Variants in KCNQ2 observed in about 807,000 individuals in gnomAD.
KCNQ2 encodes the protein potassium voltage-gated channel subfamily Q member 2, also known as potassium voltage-gated channel subfamily KQT member 2.
KCNQ2 carries 14 observed loss-of-function variants against 84.8 expected under a neutral mutation model. The observed-to-expected ratio is 0.17, with a 90% CI of 0.11 to 0.26. The LOEUF is 0.26. Among genes scored for constraint, KCNQ2 ranks in the 10% least tolerant of loss-of-function variants. KCNQ2 has a pLI of 1.00. For synonymous variants in KCNQ2, 599 were observed against 554.1 expected (o/e 1.08, Z -1.14); for missense variants, 788 against 1,254.0 (o/e 0.63, Z 5.61).
chr20:63,464,730 T>C (rs1031171244), intron 1 of KCNQ2, among the ~76,000 whole-genome samples: 1 of 152,200 alleles, frequency 6.6e-6, no homozygotes, highest in South Asian at 2.1e-4. Flanking sequence ...ACTCAGTGTG[T>C]GGGGGCAGGG....
At chr20:63,421,590 C>T (rs934681275) in intron 11 of KCNQ2, among the ~76,000 whole-genome samples, 2 of 152,288 alleles carry the variant, frequency 1.3e-5, no homozygotes, top group East Asian at 1.9e-4. Flanking sequence ...ACAGTGAGCT[C>T]GAGACCCACA....
chr20:63,442,576 GCATCAC>G, intron 4 of KCNQ2, 45 bp from the exon 5 acceptor site: 1 of 1,588,594 alleles, frequency 6.3e-7, no homozygotes, highest in Non-Finnish European at 8.6e-7. Context: ...ATCACCAGAA[GCATCAC>G]CATCACCACC....
chr20:63,466,964 G>A lies in KCNQ2; in HGVS notation c.296+5204C>T, dbSNP rs1173148061. Among the ~76,000 whole-genome samples, 4 of 152,250 alleles carry A rather than the reference G, an allele frequency of 2.6e-5. No individual in the cohort carries two copies. The East Asian group carries it at 5.8e-4, about 22-fold the overall frequency. ...AAGACAGCCCCCCGTGAGGTAACAC[G>A]CTTGGGCTCTGTCTGTGATGACAAG... On this transcript the variant is annotated intron_variant, in intron 1 of 16. Coordinates refer to ENST00000359125, the MANE Select transcript of KCNQ2 (RefSeq NM_172107.4).
At position 63,405,890 on chromosome 20, in the gene KCNQ2, A is replaced by C. The variant is rs1357404883; in HGVS notation, c.*754T>G. 1 of 151,924 alleles carries C rather than the reference A, an allele frequency of 6.6e-6. No individual in the cohort carries two copies. Among genetic ancestry groups the C allele is most frequent in the Non-Finnish European group, 1.5e-5 (1 of 67,984 alleles). 9.4% of individuals were successfully genotyped at this position (151,924 alleles called of 1,614,324 possible). On this transcript the variant is annotated 3_prime_UTR_variant, in exon 17 of 17. Transcript: ENST00000359125. The stretch of plus-strand genomic sequence containing the variant: ...CGGCTCCCTGGCCCCACCGTGAGCC[A>C]GGCCCTCCCTCTGGAGGCCAAGACC...
chr20:63,442,842 CCATCACCAT>C (rs1568934766), intron 4 of KCNQ2, among the ~76,000 whole-genome samples: 99 of 26,592 alleles, frequency 3.7e-3, no homozygotes, highest in Middle Eastern at 0.031. Context: ...ACCACCACCA[CCATCACCAT>C]CACCACCACC....
At chr20:63,429,491 G>A (rs538171957) in intron 9 of KCNQ2, among the ~76,000 whole-genome samples, 3 of 152,052 alleles carry the variant, frequency 2.0e-5, no homozygotes, top group Admixed American at 6.5e-5. Flanking sequence ...CTATGGCCAC[G>A]GCCACCCCCT....
At chr20:63,452,087 G>A (rs2081631105) in intron 1 of KCNQ2, among the ~76,000 whole-genome samples, 1 of 152,270 alleles carries the variant, frequency 6.6e-6, no homozygotes, top group Admixed American at 6.5e-5. Flanking sequence ...CTGAGGCCTG[G>A]CACTGCTCAG....
chr20:63,472,593 G>T lies in KCNQ2; in HGVS notation c.-130C>A. On this transcript the variant is annotated 5_prime_UTR_variant, in exon 1 of 17. Coordinates refer to ENST00000359125, the MANE Select transcript of KCNQ2 (RefSeq NM_172107.4). ...GCCGAGGCGGCGGTTCCGCACTCCTGCCGGGCTTGGGCCGCGCGCGGAGAC... is the reference window on the plus strand; with the variant it reads ...GCCGAGGCGGCGGTTCCGCACTCCTTCCGGGCTTGGGCCGCGCGCGGAGAC... The T allele has an allele frequency of 1.3e-6, 1 of 761,680 alleles. No homozygotes were observed. The highest frequency in any genetic ancestry group is 1.7e-6 in the Non-Finnish European group (1 of 591,910). 47.2% of individuals were successfully genotyped at this position (761,680 alleles called of 1,614,324 possible).
Position 63,444,722 on chromosome 20 carries a change from G to T in KCNQ2, c.627C>A (p.Ile209=), listed in dbSNP as rs749602639. 7.5e-6 allele frequency: 12 copies of T among 1,602,334 alleles called. No individual in the cohort carries two copies. The East Asian group carries it at 1.3e-4, about 18-fold the overall frequency. ...AGGTGCCTCCCCGCCGGTCCATGCG[G>T]ATCATCCGCAGAATCTGCAGGAAGC... ...SLRFLQILRM[I]RMDRRGGTWK... The change falls in exon 4 of 17, where the codon ATC becomes ATA. Residue 209 remains isoleucine (I), a synonymous_variant. Coordinates refer to ENST00000359125, the MANE Select transcript of KCNQ2 (RefSeq NM_172107.4).
intron 1 of KCNQ2, among the ~76,000 whole-genome samples, chr20:63,464,185 C>T (rs565395629): frequency 8.5e-5 from 13 of 152,270 alleles, no homozygotes; most frequent in Non-Finnish European, 1.3e-4. Context: ...ACTCCCCCTG[C>T]GAGAGGCCGC....
At chr20:63,415,152 G>GACAGACAT (rs745798144) in intron 12 of KCNQ2, 26 bp from the exon 13 acceptor site, 1 of 1,576,252 alleles carries the variant, frequency 6.3e-7, no homozygotes, top group Non-Finnish European at 8.6e-7. Context: ...CCGACAGACA[G>GACAGACAT]ACAGAAAAAC....
chr20:63,441,975 G>A (rs904442623), intron 5 of KCNQ2, among the ~76,000 whole-genome samples: 2 of 152,154 alleles, frequency 1.3e-5, no homozygotes, highest in African/African-American at 2.4e-5. Context: ...GAGGAGCCCA[G>A]GGGCCAGATC....
intron 1 of KCNQ2, among the ~76,000 whole-genome samples, chr20:63,468,554 A>G (rs1165278000): frequency 6.6e-6 from 1 of 152,218 alleles, no homozygotes; most frequent in Non-Finnish European, 1.5e-5. Flanking sequence ...CAGGACTGTG[A>G]GGGGAAGCGC....
chr20:63,415,123 C>G lies in KCNQ2; in HGVS notation c.1305G>C (p.Gln435His). The G allele has an allele frequency of 1.3e-6, 2 of 1,589,184 alleles. No homozygotes were observed. The highest frequency in any genetic ancestry group is 1.7e-6 in the Non-Finnish European group (2 of 1,176,902). Residue 435 changes from glutamine (Q) to histidine (H), a missense_variant, in exon 13 of 17, where the codon CAG (glutamine) becomes CAC (histidine). Around this residue, in one of 8 missense-constraint regions of KCNQ2, gnomAD observed 202 missense variants for 239.4 expected, o/e 0.84. Transcript: ENST00000359125. ...LCGCCPGRSS[Q>H]KVSLKDRVFS... The stretch of plus-strand genomic sequence containing the variant: ...AGACACGATCTTTCAAACTGACCTT[C>G]TGGCTGCTCCCACGGGAACCGACAG...
At chr20:63,456,876 G>A (rs570865500) in intron 1 of KCNQ2, among the ~76,000 whole-genome samples, 42 of 152,314 alleles carry the variant, frequency 2.8e-4, no homozygotes, top group African/African-American at 9.6e-4. Context: ...GCACCTCCCC[G>A]GGGCTGGGGA....
chr20:63,439,643 C>T lies in KCNQ2; in HGVS notation c.882G>A (p.Ala294=), dbSNP rs764664522. The T allele has an allele frequency of 5.6e-6, 9 of 1,613,594 alleles. No individual in the cohort carries two copies. In the East Asian group the frequency reaches 1.1e-4, roughly 20 times the overall value. The part of the protein sequence containing the change: ...YPQTWNGRLL[A]ATFTLIGVSF... ...AGACACCGATGAGGGTGAAGGTTGC[C>T]GCAAGGAGCCTGCCGTTCCAGGTCT... Residue 294 remains alanine (A), a synonymous_variant, in exon 6 of 17, where the codon GCG becomes GCA. Coordinates refer to ENST00000359125, the MANE Select transcript of KCNQ2 (RefSeq NM_172107.4).
In KCNQ2 at chr20:63,460,622, A is replaced by G. The variant is rs931032475; in HGVS notation, c.296+11546T>C. ...GGCGACGGAGGGCTCACCCCACAGA[A>G]AGAATCTCGTTCCAACACAAGCCCC... On this transcript the variant is annotated intron_variant, in intron 1 of 16. Coordinates refer to ENST00000359125, the MANE Select transcript of KCNQ2 (RefSeq NM_172107.4). This position sits in a 1 kb window ranked among gnomAD's most constrained non-coding sequence, Gnocchi z 5.4. Among the ~76,000 whole-genome samples, 2 of 152,104 alleles carry G rather than the reference A, an allele frequency of 1.3e-5. No homozygotes were observed. Among genetic ancestry groups the G allele is most frequent in the African/African-American group, 4.8e-5 (2 of 41,426 alleles).
At chr20:63,463,991 G>T (rs1201179331) in intron 1 of KCNQ2, 1 of 151,998 alleles carries the variant, frequency 6.6e-6, no homozygotes. Flanking sequence ...CCCACTCCCC[G>T]CCGGACTTCC....
rs1177898837 is a variant in KCNQ2 at position 63,403,723 on chromosome 20, G to A, written c.*2921C>T. 6.6e-6 allele frequency: 1 copy of A among 152,356 alleles called. No homozygotes were observed. The allele number at this position is 152,356 out of a possible 1,614,324, so 9.4% of individuals were successfully genotyped here. A position where few individuals can be genotyped will look rare whatever the true frequency, so the allele number is the denominator to read the frequency against. ...ATGTGGTCTGTGTGCATGTGTGCAA[G>A]CGTGCATGTGTACGCCTGTATGCGG... is the stretch of plus-strand genomic sequence containing the variant. On this transcript the variant is annotated 3_prime_UTR_variant, in exon 17 of 17. Transcript: ENST00000359125.
Sources: gnomAD v4.1 joint callset for allele counts (sites outside exome capture counted in the v4.1 genomes callset) on GRCh38, gnomAD v4.1.1 for gene constraint, gnomAD v4.1.1 regional missense constraint, Gnocchi (gnomAD v3.1) non-coding constraint, MANE v1.5 for transcripts, NCBI Gene and HGNC (gene_info 2026-07-23, HGNC 2026-07-21) for gene names.